The following TNFRSF19 variants were observed in gnomAD, a reference collection of about 807,000 sequenced individuals.
TNFRSF19 encodes the protein TNF receptor superfamily member 19.
In TNFRSF19, 27 loss-of-function variants were observed where a neutral mutation model predicts 46.4. The ratio of observed to expected loss-of-function variants is 0.58; its 90% CI spans 0.43 to 0.80. The LOEUF (loss-of-function observed/expected upper bound fraction) is 0.80, where lower values mean the gene tolerates loss of function less well. Among genes scored for constraint, TNFRSF19 ranks in the 30% least tolerant of loss-of-function variants. TNFRSF19 has a pLI of 0.00. For synonymous variants in TNFRSF19, 204 were observed against 205.0 expected (o/e 1.00, Z 0.04); for missense variants, 511 against 530.8 (o/e 0.96, Z 0.37).
chr13:23,615,926 C>T lies in TNFRSF19; in HGVS notation c.240C>T (p.Phe80=). ...AQCVTCRLHR[F]KEDWGFQKCK... ...GTGTGACGTGCCGGCTGCACAGGTT[C>T]AAGGAGGACTGGGGCTTCCAGAAAT... is the stretch of plus-strand genomic sequence containing the variant. The change falls in exon 4 of 10, where the codon TTC becomes TTT. Residue 80 remains phenylalanine, a synonymous_variant. Coordinates refer to ENST00000248484, the MANE Select transcript of TNFRSF19 (RefSeq NM_148957.4). 1 of 1,613,958 alleles carries T rather than the reference C, an allele frequency of 6.2e-7. No homozygotes were observed. The highest frequency in any genetic ancestry group is 8.5e-7 in the Non-Finnish European group (1 of 1,179,876).
intron 5 of TNFRSF19, among the ~76,000 whole-genome samples, chr13:23,630,620 C>T (rs1451864754): frequency 6.6e-6 from 1 of 152,204 alleles, no homozygotes; most frequent in African/African-American, 2.4e-5. Flanking sequence ...ACACCCATTA[C>T]ATAGAAATGC....
At chr13:23,671,418 CG>C (rs1951760418) in intron 9 of TNFRSF19, among the ~76,000 whole-genome samples, 1 of 151,686 alleles carries the variant, frequency 6.6e-6, no homozygotes, top group African/African-American at 2.4e-5. Flanking sequence ...AAAAAGGAAG[CG>C]TTAAAATATA....
At chr13:23,581,892 T>C (rs1386007685) in intron 1 of TNFRSF19, among the ~76,000 whole-genome samples, 8 of 152,198 alleles carry the variant, frequency 5.3e-5, no homozygotes, top group Admixed American at 5.2e-4. Context: ...GATGCATCAA[T>C]ATTTAAAATC....
Position 23,669,663 on chromosome 13 carries a change from G to T in TNFRSF19, c.1245+566G>T, listed in dbSNP as rs1368039251. On this transcript the variant is annotated intron_variant, in intron 9 of 9. Coordinates refer to ENST00000248484, the MANE Select transcript of TNFRSF19 (RefSeq NM_148957.4). ...CCAGGTCATAAGACCCTCTCAGGTG[G>T]AATGGTTTAAGATCAGGTTTGGGTG... The T allele has an allele frequency of 2.3e-5, 23 of 985,176 alleles. No individual in the cohort carries two copies. In the African/African-American group the frequency reaches 3.5e-4, roughly 15 times the overall value. 61.0% of individuals were successfully genotyped at this position (985,176 alleles called of 1,614,324 possible).
intron 5 of TNFRSF19, among the ~76,000 whole-genome samples, chr13:23,633,542 T>A (rs1278198447): frequency 6.6e-6 from 1 of 152,228 alleles, no homozygotes; most frequent in Non-Finnish European, 1.5e-5. Flanking sequence ...CCTCATTTTC[T>A]GAGGATGCTC....
At chr13:23,583,380 T>G (rs1233580891) in intron 1 of TNFRSF19, among the ~76,000 whole-genome samples, 1 of 152,246 alleles carries the variant, frequency 6.6e-6, no homozygotes, top group African/African-American at 2.4e-5. Flanking sequence ...GAACATAATT[T>G]TTTTTCATGA....
intron 8 of TNFRSF19, 141 bp from the exon 9 acceptor site, chr13:23,668,551 A>T: frequency 9.7e-7 from 1 of 1,029,532 alleles, no homozygotes. Flanking sequence ...AGATGAGTTT[A>T]TAACAATAGG....
At chr13:23,624,822 C>T (rs1270018702) in intron 4 of TNFRSF19, among the ~76,000 whole-genome samples, 2 of 151,460 alleles carry the variant, frequency 1.3e-5, no homozygotes, top group Non-Finnish European at 2.9e-5. Context: ...GCGATCTTGG[C>T]TCACTGCAAC....
chr13:23,667,058 G>A (rs866713890), intron 7 of TNFRSF19, among the ~76,000 whole-genome samples: 2 of 150,436 alleles, frequency 1.3e-5, no homozygotes, highest in Non-Finnish European at 2.9e-5. Flanking sequence ...CTTTGTGTAT[G>A]TGTGTGTCTT....
chr13:23,660,536 G>A (rs765468383), intron 7 of TNFRSF19, 46 bp downstream of exon 7: 1 of 1,593,098 alleles, frequency 6.3e-7, no homozygotes, highest in Non-Finnish European at 8.6e-7. Flanking sequence ...GAGGTACACA[G>A]AAGCTGAAGC....
intron 5 of TNFRSF19, among the ~76,000 whole-genome samples, chr13:23,637,763 G>A (rs1056951130): frequency 4.6e-5 from 7 of 152,262 alleles, no homozygotes; most frequent in Non-Finnish European, 8.8e-5. Context: ...AGGTAAATAA[G>A]AGTTATCCAC....
chr13:23,626,680 C>G, intron 4 of TNFRSF19, 27 bp from the exon 5 acceptor site: 1 of 1,606,712 alleles, frequency 6.2e-7, no homozygotes, highest in South Asian at 1.1e-5. Context: ...AAAGAGTTAA[C>G]AAGGAGTATT....
At chr13:23,594,974 G>A (rs924210417) in intron 3 of TNFRSF19, among the ~76,000 whole-genome samples, 3 of 152,166 alleles carry the variant, frequency 2.0e-5, no homozygotes, top group Non-Finnish European at 4.4e-5. Flanking sequence ...AGGCAAACAG[G>A]GTCTGGAGTG....
At chr13:23,670,686 C>T (rs1038374238) in intron 9 of TNFRSF19, among the ~76,000 whole-genome samples, 3 of 152,164 alleles carry the variant, frequency 2.0e-5, no homozygotes, top group African/African-American at 7.2e-5. Context: ...CCCCAGCAGC[C>T]GAGAGCAGGT....
intron 5 of TNFRSF19, among the ~76,000 whole-genome samples, chr13:23,652,693 C>T (rs753562877): frequency 2.6e-5 from 4 of 152,156 alleles, no homozygotes; most frequent in East Asian, 1.9e-4. Flanking sequence ...TTGTCATTAG[C>T]GACATAGCCC....
At chr13:23,639,450 G>A (rs1467590773) in intron 5 of TNFRSF19, among the ~76,000 whole-genome samples, 2 of 152,140 alleles carry the variant, frequency 1.3e-5, no homozygotes, top group African/African-American at 2.4e-5. Context: ...GTGTCCTTGG[G>A]GACACCAATT....
chr13:23,622,724 A>AT (rs1246778103), intron 4 of TNFRSF19, among the ~76,000 whole-genome samples: 3 of 152,124 alleles, frequency 2.0e-5, no homozygotes, highest in Non-Finnish European at 4.4e-5. Flanking sequence ...TGGATATTAC[A>AT]TTTTTTAACT....
At chr13:23,597,734 C>CT (rs1879841752) in intron 3 of TNFRSF19, among the ~76,000 whole-genome samples, 1 of 152,180 alleles carries the variant, frequency 6.6e-6, no homozygotes, top group South Asian at 2.1e-4. Context: ...GGACTCCTCT[C>CT]TAACTCATTT....
chr13:23,621,696 T>G (rs753607619), intron 4 of TNFRSF19, among the ~76,000 whole-genome samples: 1 of 151,990 alleles, frequency 6.6e-6, no homozygotes, highest in Non-Finnish European at 1.5e-5. Flanking sequence ...AAAATTCCTC[T>G]TCATTGGGAG....
Sources: allele counts gnomAD v4.1 joint callset (sites outside exome capture counted in the v4.1 genomes callset), GRCh38; gene constraint gnomAD v4.1.1; transcripts MANE v1.5; gene names NCBI Gene and HGNC (gene_info 2026-07-23, HGNC 2026-07-21).